JMJD1C: variants seen among roughly 807,000 people sequenced by gnomAD.
JMJD1C encodes jumonji domain containing 1C.
In JMJD1C, 31 loss-of-function variants were observed where a neutral mutation model predicts 245.3. The ratio of observed to expected loss-of-function variants is 0.13; its 90% CI spans 0.09 to 0.17. The LOEUF (loss-of-function observed/expected upper bound fraction) is 0.17. Among genes scored for constraint, JMJD1C ranks in the 10% least tolerant of loss-of-function variants. The pLI is 1.00. For synonymous variants in JMJD1C, 1,057 were observed against 1,017.4 expected (o/e 1.04, Z -0.74); for missense variants, 2,691 against 3,000.2 (o/e 0.90, Z 2.41).
chr10:63,287,742 T>C (rs901036185), intron 2 of JMJD1C, among the ~76,000 whole-genome samples: 3 of 152,102 alleles, frequency 2.0e-5, no homozygotes, highest in African/African-American at 4.8e-5. Flanking sequence ...CTTAAAAGAT[T>C]AGATTTTCTT....
chr10:63,257,212 G>A (rs1356145155), intron 3 of JMJD1C, among the ~76,000 whole-genome samples: 1 of 128,614 alleles, frequency 7.8e-6, no homozygotes, highest in Non-Finnish European at 1.6e-5. Flanking sequence ...GGGTGACAGA[G>A]TGAGACTTCA....
chr10:63,271,183 T>A (rs1345985477), intron 2 of JMJD1C, among the ~76,000 whole-genome samples: 1 of 151,126 alleles, frequency 6.6e-6, no homozygotes, highest in African/African-American at 2.5e-5. Context: ...TTTTCTTTTC[T>A]TTTTTTTTCT....
At position 63,521,571 on chromosome 10, in the gene JMJD1C, C is replaced by T. The variant is rs199633181; in HGVS notation, n.113+167G>A. ...ATGGTGTCCTGGATGATCTCCAGAG[C>T]CGTGGTGTAAGTGCCTCTCACTGCG... On this transcript the variant is annotated intron_variant and non_coding_transcript_variant, in intron 1 of 3. Transcript: ENST00000633035. The T allele has an allele frequency of 1.5e-4, 212 of 1,433,406 alleles. No individual in the cohort carries two copies. In the African/African-American group the frequency reaches 3.0e-3, roughly 20 times the overall value. The allele number at this position is 1,433,406 out of a possible 1,614,324, so 88.8% of individuals were successfully genotyped here.
intron 1 of JMJD1C, among the ~76,000 whole-genome samples, chr10:63,455,058 T>A (rs536544690): frequency 6.6e-6 from 1 of 152,322 alleles, no homozygotes; most frequent in South Asian, 2.1e-4. Flanking sequence ...ACTACGTGCA[T>A]CCGTTCACAT....
chr10:63,254,940 A>T (rs1257565563), intron 3 of JMJD1C, among the ~76,000 whole-genome samples: 1 of 151,390 alleles, frequency 6.6e-6, no homozygotes, highest in East Asian at 1.9e-4. Flanking sequence ...TGTAGCCTCA[A>T]CCTCCTGGGC....
chr10:63,401,333 T>C (rs1271829469), intron 1 of JMJD1C, among the ~76,000 whole-genome samples: 1 of 152,216 alleles, frequency 6.6e-6, no homozygotes, highest in East Asian at 1.9e-4. Flanking sequence ...TAATATTCCT[T>C]GTGATTACTT....
At chr10:63,284,547 G>A (rs760980689) in intron 2 of JMJD1C, among the ~76,000 whole-genome samples, 1 of 152,008 alleles carries the variant, frequency 6.6e-6, no homozygotes, top group Non-Finnish European at 1.5e-5. Context: ...TCATCCATAG[G>A]TTCTTGGGAA....
At position 63,521,627 on chromosome 10, in the gene JMJD1C, T is replaced by C. The variant is rs1160871937; in HGVS notation, n.113+111A>G. 6.8e-6 allele frequency: 9 copies of C among 1,332,280 alleles called. No individual in the cohort carries two copies. The East Asian group carries it at 2.6e-4, about 38-fold the overall frequency. The allele number at this position is 1,332,280 out of a possible 1,614,324, so 82.5% of individuals were successfully genotyped here. On this transcript the variant is annotated intron_variant and non_coding_transcript_variant, in intron 1 of 3. Transcript: ENST00000633035. ...CAGCCGGCGCGAGGCCCAGGGGAGC[T>C]GTGGGAAGGGGAAGGAGCCGAGAGG...
At position 63,305,459 on chromosome 10, in the gene JMJD1C, C is replaced by T. The variant is rs553554824; in HGVS notation, c.334-40695G>A. Among the ~76,000 whole-genome samples, 224 of 112,990 alleles carry T rather than the reference C, an allele frequency of 2.0e-3. 1 individual carries two copies. The highest frequency in any genetic ancestry group is 4.7e-3 in the Middle Eastern group (1 of 212). The allele number at this position is 112,990 out of a possible 152,430, so 74.1% of individuals were successfully genotyped here. ...GGATGACATGGCAAGACGCTCTGAC[C>T]CTCTCTCTCTCTCTCTCTCTCTCTC... On this transcript the variant is annotated intron_variant, in intron 2 of 25. Coordinates refer to ENST00000399262, the MANE Select transcript of JMJD1C (RefSeq NM_032776.3).
chr10:63,428,558 T>G (rs10761763), intron 1 of JMJD1C, among the ~76,000 whole-genome samples: 1 of 151,950 alleles, frequency 6.6e-6, no homozygotes, highest in African/African-American at 2.4e-5. Flanking sequence ...TTGGAATAGA[T>G]GAGAAACTTT....
chr10:63,468,358 T>G (rs545391615), upstream of JMJD1C, among the ~76,000 whole-genome samples: 8 of 152,048 alleles, frequency 5.3e-5, no homozygotes, highest in African/African-American at 1.9e-4. Flanking sequence ...AGATTTTTTG[T>G]TTGTTTGCTG....
At chr10:63,475,113 T>C (rs1164636812) in intron 1 of JMJD1C, among the ~76,000 whole-genome samples, 1 of 152,176 alleles carries the variant, frequency 6.6e-6, no homozygotes, top group Non-Finnish European at 1.5e-5. Flanking sequence ...CTAAACATAA[T>C]TATCCTTTCC....
intron 1 of JMJD1C, among the ~76,000 whole-genome samples, chr10:63,414,766 T>C (rs7911967): frequency 6.6e-6 from 1 of 151,918 alleles, no homozygotes; most frequent in African/African-American, 2.4e-5. Flanking sequence ...AACTCACCGG[T>C]TGTGGTGGCA....
chr10:63,298,928 T>G (rs1859759616), intron 2 of JMJD1C, among the ~76,000 whole-genome samples: 1 of 152,014 alleles, frequency 6.6e-6, no homozygotes, highest in East Asian at 1.9e-4. Flanking sequence ...ACAAGGTTTC[T>G]CCATGTTGGT....
At chr10:63,454,596 A>C (rs1307243806) in intron 1 of JMJD1C, among the ~76,000 whole-genome samples, 1 of 151,994 alleles carries the variant, frequency 6.6e-6, no homozygotes, top group African/African-American at 2.4e-5. Flanking sequence ...ACACCCAGTT[A>C]ATTTTTGCAT....
At chr10:63,313,924 C>CT (rs1185662605) in intron 2 of JMJD1C, among the ~76,000 whole-genome samples, 1 of 152,180 alleles carries the variant, frequency 6.6e-6, no homozygotes, top group Non-Finnish European at 1.5e-5. Context: ...TGCAGAAGCT[C>CT]TTTAAGTCCC....
At chr10:63,276,715 AAC>A (rs1856810135) in intron 2 of JMJD1C, among the ~76,000 whole-genome samples, 2 of 151,794 alleles carry the variant, frequency 1.3e-5, no homozygotes, top group African/African-American at 4.8e-5. Context: ...CACCCTCCTC[AAC>A]CTCCCAGTGC....
chr10:63,260,032 G>C (rs1333983826), intron 3 of JMJD1C, among the ~76,000 whole-genome samples: 1 of 152,064 alleles, frequency 6.6e-6, no homozygotes, highest in African/African-American at 2.4e-5. Context: ...CTCCAGAGTA[G>C]CTGGGATCCA....
chr10:63,283,207 C>G (rs914622479), intron 2 of JMJD1C, among the ~76,000 whole-genome samples: 2 of 152,216 alleles, frequency 1.3e-5, no homozygotes, highest in Non-Finnish European at 2.9e-5. Context: ...AAGATTTCTT[C>G]CAGAGTTGCA....
Sources: allele counts gnomAD v4.1 joint callset (sites outside exome capture counted in the v4.1 genomes callset), GRCh38; gene constraint gnomAD v4.1.1; transcripts MANE v1.5; gene names NCBI Gene and HGNC (gene_info 2026-07-23, HGNC 2026-07-21).